The following SUSD6 variants were observed in gnomAD, a reference collection of about 807,000 sequenced individuals.
SUSD6 encodes sushi domain containing 6.
A neutral mutation model predicts 28.4 loss-of-function variants in SUSD6; 16 were observed. That is an observed-to-expected ratio of 0.56 (90% CI 0.38 to 0.86). The LOEUF (loss-of-function observed/expected upper bound fraction) is 0.86, where lower values mean the gene tolerates loss of function less well. SUSD6 is among the 40% of genes least tolerant of loss of function. The pLI is 0.00. For synonymous variants in SUSD6, 147 were observed against 159.6 expected (o/e 0.92, Z 0.59); for missense variants, 341 against 384.2 (o/e 0.89, Z 0.94).
intron 2 of SUSD6, among the ~76,000 whole-genome samples, chr14:69,666,568 C>T (rs1295581414): frequency 6.6e-6 from 1 of 152,116 alleles, no homozygotes; most frequent in Non-Finnish European, 1.5e-5. Context: ...ATCTTTTTCC[C>T]ATTTGGTAGT....
intron 2 of SUSD6, among the ~76,000 whole-genome samples, chr14:69,690,837 A>G (rs1404266585): frequency 6.6e-6 from 1 of 152,204 alleles, no homozygotes; most frequent in Non-Finnish European, 1.5e-5. Context: ...GTGAGTACAG[A>G]GTTCCTTAGG....
In SUSD6 at chr14:69,656,355, C is replaced by T. The variant is rs1210366248; in HGVS notation, c.-80-2158C>T. ...TACACGTGCTGTGATGTGGCACATG[C>T]AGGTGTCATTCTTGATGATCCACTG... is the stretch of plus-strand genomic sequence containing the variant. On this transcript the variant is annotated intron_variant, in intron 1 of 5. Coordinates refer to ENST00000342745, the MANE Select transcript of SUSD6 (RefSeq NM_014734.4). Among the ~76,000 whole-genome samples the T allele has an allele frequency of 4.6e-5, 7 of 152,206 alleles. No individual in the cohort carries two copies. In the East Asian group the frequency reaches 1.3e-3, roughly 29 times the overall value.
chr14:69,679,715 A>T (rs1195326050), intron 2 of SUSD6, among the ~76,000 whole-genome samples: 1 of 152,210 alleles, frequency 6.6e-6, no homozygotes, highest in African/African-American at 2.4e-5. Flanking sequence ...ACCTGAGAGC[A>T]AAGAGTTTGA....
At chr14:69,629,030 G>C (rs921256311) in intron 1 of SUSD6, among the ~76,000 whole-genome samples, 1 of 152,058 alleles carries the variant, frequency 6.6e-6, no homozygotes, top group African/African-American at 2.4e-5. Context: ...TTTTATGGCA[G>C]GTAAAGAATA....
At chr14:69,658,796 T>C in intron 2 of SUSD6, 83 bp downstream of exon 2, 2 of 1,573,266 alleles carry the variant, frequency 1.3e-6, no homozygotes, top group Non-Finnish European at 1.7e-6. Flanking sequence ...CAGGGGACTC[T>C]CCTCCTGGCA....
chr14:69,615,669 A>G (rs1884949302), intron 1 of SUSD6: 1 of 152,220 alleles, frequency 6.6e-6, no homozygotes, highest in Non-Finnish European at 1.5e-5. Context: ...TACTACTGTC[A>G]AGGCTTGGGA....
chr14:69,632,365 AT>A (rs1472029358), intron 1 of SUSD6, among the ~76,000 whole-genome samples: 1 of 152,124 alleles, frequency 6.6e-6, no homozygotes, highest in Non-Finnish European at 1.5e-5. Context: ...TCTCTGTCTC[AT>A]CCCTCCTCCC....
At chr14:69,614,635 A>G (rs1402018436) in intron 1 of SUSD6, among the ~76,000 whole-genome samples, 1 of 151,952 alleles carries the variant, frequency 6.6e-6, no homozygotes. Context: ...CCCTTTTTTC[A>G]TATCCTTAGC....
chr14:69,710,900 C>T lies in SUSD6; in HGVS notation c.887-54C>T, dbSNP rs531537004. On this transcript the variant is annotated intron_variant, in intron 5 of 5. Coordinates refer to ENST00000342745, the MANE Select transcript of SUSD6 (RefSeq NM_014734.4). ...CTAAGTTGCAGTGGGGTCGAGAGTG[C>T]TCTAGAGTTCCACACAAGGTAACCA... 9.5e-6 allele frequency: 15 copies of T among 1,582,374 alleles called. No individual in the cohort carries two copies. In the Middle Eastern group the frequency reaches 6.7e-4, roughly 70 times the overall value.
rs929324222 is a variant in SUSD6 at position 69,711,950 on chromosome 14, G to T, written c.*971G>T. ...GCCTGGGGCAGGAAGGAGACTTGCT[G>T]AGATGCCATGGAGTGCCCATCTGGT... On this transcript the variant is annotated 3_prime_UTR_variant, in exon 6 of 6. Transcript: ENST00000342745. The T allele has an allele frequency of 6.6e-6, 1 of 152,272 alleles. No homozygotes were observed. Among genetic ancestry groups the T allele is most frequent in the African/African-American group, 2.4e-5 (1 of 41,448 alleles). 9.4% of individuals were successfully genotyped at this position (152,272 alleles called of 1,614,324 possible).
At chr14:69,633,520 G>C (rs959899883) in intron 1 of SUSD6, among the ~76,000 whole-genome samples, 2 of 152,192 alleles carry the variant, frequency 1.3e-5, no homozygotes, top group Admixed American at 1.3e-4. Context: ...TTTCAGGTCA[G>C]ATCTCCTTTC....
chr14:69,705,993 T>A (rs533116962), intron 4 of SUSD6, among the ~76,000 whole-genome samples: 1 of 152,372 alleles, frequency 6.6e-6, no homozygotes, highest in South Asian at 2.1e-4. Context: ...GTCACTGTTA[T>A]AACTCACAAA....
chr14:69,685,980 G>A (rs1886067334), intron 2 of SUSD6, among the ~76,000 whole-genome samples: 1 of 152,222 alleles, frequency 6.6e-6, no homozygotes, highest in Non-Finnish European at 1.5e-5. Flanking sequence ...AGCTCCCTCT[G>A]TGCAGCCGCA....
At position 69,693,607 on chromosome 14, in the gene SUSD6, G is replaced by T. The variant is rs183649041; in HGVS notation, c.122-9788G>T. ...GCCCATTCCAAAAATCAGAGATAAGGGTTTAGTTTGCTACATGAAAATTTA... is the reference window on the plus strand; with the variant it reads ...GCCCATTCCAAAAATCAGAGATAAGTGTTTAGTTTGCTACATGAAAATTTA... On this transcript the variant is annotated intron_variant, in intron 2 of 5. Coordinates refer to ENST00000342745, the MANE Select transcript of SUSD6 (RefSeq NM_014734.4). 4.6e-5 allele frequency among the ~76,000 whole-genome samples: 7 copies of T among 152,224 alleles called. No individual in the cohort carries two copies. The East Asian group carries it at 1.3e-3, about 29-fold the overall frequency.
chr14:69,658,605 A>G lies in SUSD6; in HGVS notation c.13A>G (p.Arg5Gly). Residue 5 changes from arginine to glycine, a missense_variant, in exon 2 of 6, where the codon AGG (arginine) becomes GGG (glycine). Coordinates refer to ENST00000342745, the MANE Select transcript of SUSD6 (RefSeq NM_014734.4). MCHG[R>G]IAPKSTSVFA... is the part of the protein sequence containing the mutation. ...GGACGGATAAAAGATGTGCCATGGC[A>G]GGATAGCACCAAAGAGCACCTCAGT... 1 of 1,614,166 alleles carries G rather than the reference A, an allele frequency of 6.2e-7. No individual in the cohort carries two copies. Among genetic ancestry groups the G allele is most frequent in the African/African-American group, 1.3e-5 (1 of 75,044 alleles).
intron 1 of SUSD6, among the ~76,000 whole-genome samples, chr14:69,650,104 G>A (rs1885481582): frequency 6.6e-6 from 1 of 152,088 alleles, no homozygotes; most frequent in South Asian, 2.1e-4. Context: ...AAGAATGTGG[G>A]AGGCTCACTT....
At chr14:69,667,627 C>T (rs1484010578) in intron 2 of SUSD6, among the ~76,000 whole-genome samples, 2 of 151,818 alleles carry the variant, frequency 1.3e-5, no homozygotes, top group Admixed American at 6.6e-5. Context: ...TTGTGATCCG[C>T]CCGCCTCAGC....
chr14:69,699,263 G>T (rs1476087640), intron 2 of SUSD6, among the ~76,000 whole-genome samples: 1 of 151,814 alleles, frequency 6.6e-6, no homozygotes, highest in Non-Finnish European at 1.5e-5. Context: ...GAGTGCAGTG[G>T]TGCAATCTCA....
chr14:69,692,723 A>C (rs1377684010), intron 2 of SUSD6, among the ~76,000 whole-genome samples: 11 of 152,082 alleles, frequency 7.2e-5, no homozygotes, highest in Admixed American at 3.3e-4. Context: ...AGCTGGTAGG[A>C]TTGGAAATGA....
Sources: gnomAD v4.1 joint callset for allele counts (sites outside exome capture counted in the v4.1 genomes callset) on GRCh38, gnomAD v4.1.1 for gene constraint, MANE v1.5 for transcripts, NCBI Gene and HGNC (gene_info 2026-07-23, HGNC 2026-07-21) for gene names.